SLC2A14: variants seen among roughly 807,000 people sequenced by gnomAD.
SLC2A14 encodes solute carrier family 2 member 14.
A neutral mutation model predicts 43.0 loss-of-function variants in SLC2A14; 13 were observed. The ratio of observed to expected loss-of-function variants is 0.30; its 90% CI spans 0.20 to 0.48. SLC2A14 has a LOEUF of 0.48. Among genes scored for constraint, SLC2A14 ranks in the 20% least tolerant of loss-of-function variants. The probability of loss-of-function intolerance (pLI) is 0.99; values close to 1 mark genes in which losing one functional copy is unlikely to be tolerated. For missense variants in SLC2A14, 428 were observed against 620.4 expected (o/e 0.69, Z 3.29); for synonymous variants, 190 against 233.8 (o/e 0.81, Z 1.71).
At chr12:7,842,458 G>T (rs1261260765) in intron 2 of SLC2A14, among the ~76,000 whole-genome samples, 1 of 152,182 alleles carries the variant, frequency 6.6e-6, no homozygotes. Context: ...TAGCCAAAAG[G>T]CCGAGAAGCG....
chr12:7,860,364 GCT>G (rs1944479257), intron 2 of SLC2A14: 1 of 152,190 alleles, frequency 6.6e-6, no homozygotes, highest in South Asian at 2.1e-4. Flanking sequence ...GTAGTAGGGG[GCT>G]CTTGGAGGGA....
chr12:7,863,784 T>C (rs943930842), intron 2 of SLC2A14, among the ~76,000 whole-genome samples: 1 of 150,824 alleles, frequency 6.6e-6, no homozygotes, highest in Admixed American at 6.7e-5. Context: ...TGAAAACTTA[T>C]CTCCCTATAT....
rs1592295622 is a variant in SLC2A14, at chr12:7,865,698, G to A, written c.18+4165C>T. On this transcript the variant is annotated intron_variant, in intron 2 of 10. Transcript: ENST00000431042. ...CTGAGACAATAATATTGAAAATTAGGCCAATTAAAAACCCTAAATGGCATC... is the reference window on the plus strand; with the variant it reads ...CTGAGACAATAATATTGAAAATTAGACCAATTAAAAACCCTAAATGGCATC... Among the ~76,000 whole-genome samples the A allele has an allele frequency of 2.0e-5, 3 of 151,866 alleles. No individual in the cohort carries two copies. In the South Asian group the frequency reaches 6.2e-4, roughly 32 times the overall value.
intron 2 of SLC2A14, among the ~76,000 whole-genome samples, chr12:7,855,590 G>A (rs370276726): frequency 1.3e-5 from 2 of 151,894 alleles, no homozygotes; most frequent in Admixed American, 6.6e-5. Flanking sequence ...TACCCGAAAC[G>A]TTTACACATG....
intron 1 of SLC2A14, 125 bp downstream of exon 1, chr12:7,872,682 C>T (rs1298488296): frequency 6.4e-6 from 5 of 782,952 alleles, no homozygotes; most frequent in Admixed American, 6.3e-5. Flanking sequence ...CCGCAGCTCT[C>T]TTCTTTCTTA....
At chr12:7,874,840 C>CATATTTATATATAAATTATATATAAATAT (rs1565584827), upstream of SLC2A14, among the ~76,000 whole-genome samples, 1 of 75,448 alleles carries the variant, frequency 1.3e-5, no homozygotes, top group East Asian at 5.9e-4. Context: ...TATATAAATA[C>CATATTTATATATAAATTATATATAAATAT]GTATTTATAT....
At chr12:7,837,586 C>G (rs1449733216) in intron 2 of SLC2A14, among the ~76,000 whole-genome samples, 1 of 135,590 alleles carries the variant, frequency 7.4e-6, no homozygotes, top group African/African-American at 2.8e-5. Flanking sequence ...TGCAGTCAGC[C>G]GAGCTTGCAC....
upstream of SLC2A14, among the ~76,000 whole-genome samples, chr12:7,875,163 T>TATAAATATTATATTTAAAATTAAATATA (rs1182957305): frequency 1.2e-3 from 157 of 133,100 alleles, 1 homozygote; most frequent in Non-Finnish European, 2.0e-3. Flanking sequence ...ATTAAATATA[T>TATAAATATTATATTTAAAATTAAATATA]ATATTTAATT....
intron 1 of SLC2A14, among the ~76,000 whole-genome samples, chr12:7,871,556 G>A (rs1945234987): frequency 6.6e-6 from 1 of 152,010 alleles, no homozygotes; most frequent in African/African-American, 2.4e-5. Context: ...GCAGGACTGA[G>A]GCAGGTGTTC....
chr12:7,864,724 G>A (rs748965365), intron 2 of SLC2A14, among the ~76,000 whole-genome samples: 5 of 152,250 alleles, frequency 3.3e-5, no homozygotes, highest in African/African-American at 7.2e-5. Context: ...ATGCTATGAC[G>A]TTGGAACTGA....
At chr12:7,891,011 C>G (rs1210148438) in exon 1 of SLC2A14, 2 of 1,534,822 alleles carry the variant, frequency 1.3e-6, no homozygotes, top group African/African-American at 1.4e-5. Flanking sequence ...CCCCGACGCC[C>G]CCATTCTGAC....
intron 8 of SLC2A14, 79 bp downstream of exon 8, chr12:7,821,142 G>A (rs1863875929): frequency 1.9e-6 from 2 of 1,063,182 alleles, no homozygotes; most frequent in African/African-American, 1.6e-5. Context: ...AAATAACGGT[G>A]GAGCCATGCA....
chr12:7,827,033 T>TCTC (rs1864525236), intron 7 of SLC2A14, among the ~76,000 whole-genome samples: 2 of 147,316 alleles, frequency 1.4e-5, no homozygotes, highest in African/African-American at 2.5e-5. Context: ...CCTTTCTCTC[T>TCTC]CTTTCTCTCC....
intron 7 of SLC2A14, among the ~76,000 whole-genome samples, chr12:7,821,924 A>T (rs748988757): frequency 1.4e-5 from 2 of 147,800 alleles, no homozygotes; most frequent in Admixed American, 1.4e-4. Flanking sequence ...TCCCGGGTTC[A>T]AGCGATTCTC....
Position 7,817,922 on chromosome 12 carries a change from C to G in SLC2A14, c.1184G>C (p.Ser395Thr), listed in dbSNP as rs1863619939. 1 of 1,614,174 alleles carries G rather than the reference C, an allele frequency of 6.2e-7. No homozygotes were observed. ...CATCGCAGCTGGGCGGGGGCCCTGGCTGAAGAGTTCGGCCACAATAAACCA... is the reference window on the plus strand; with the variant it reads ...CATCGCAGCTGGGCGGGGGCCCTGGGTGAAGAGTTCGGCCACAATAAACCA... Reference protein sequence around the residue: ...IPWFIVAELFSQGPRPAAMAV... With the variant: ...IPWFIVAELFTQGPRPAAMAV... The change falls in exon 10 of 11, where the codon AGC (serine) becomes ACC (threonine). Residue 395 changes from serine (S) to threonine (T), a missense_variant. Transcript: ENST00000431042.
intron 1 of SLC2A14, chr12:7,870,713 G>GA (rs1945175595): frequency 2.7e-6 from 1 of 376,244 alleles, no homozygotes; most frequent in Non-Finnish European, 4.0e-6. Flanking sequence ...TTCACACTTG[G>GA]AAAAAACAAA....
chr12:7,877,834 C>A (rs1170853176), upstream of SLC2A14, among the ~76,000 whole-genome samples: 1 of 152,108 alleles, frequency 6.6e-6, no homozygotes, highest in African/African-American at 2.4e-5. Context: ...CCTCCACCTC[C>A]CGGGTTCAAG....
intron 2 of SLC2A14, among the ~76,000 whole-genome samples, chr12:7,857,872 T>A (rs990694919): frequency 6.6e-6 from 1 of 151,802 alleles, no homozygotes; most frequent in Admixed American, 6.6e-5. Flanking sequence ...CATGGTGACA[T>A]GAACACTTTG....
In SLC2A14 at chr12:7,820,405, C is replaced by T. The variant is rs192490271; in HGVS notation, c.969+816G>A. Among the ~76,000 whole-genome samples the T allele has an allele frequency of 3.1e-3, 466 of 152,226 alleles. 3 individuals are homozygous for T. The highest frequency in any genetic ancestry group is 0.011 in the African/African-American group (443 of 41,546). On this transcript the variant is annotated intron_variant, in intron 8 of 10. Coordinates refer to ENST00000431042, the MANE Select transcript of SLC2A14 (RefSeq NM_001286234.2). The stretch of plus-strand genomic sequence containing the variant: ...TGAGTCAGAAGCACAGGTAAAACAA[C>T]CTGGAGCTTGTGACTGGCATCAGGA...
Sources: allele counts gnomAD v4.1 joint callset (sites outside exome capture counted in the v4.1 genomes callset), GRCh38; gene constraint gnomAD v4.1.1; transcripts MANE v1.5; gene names NCBI Gene and HGNC (gene_info 2026-07-23, HGNC 2026-07-21).